The following CPM variants were observed in gnomAD, a reference collection of about 807,000 sequenced individuals.
The protein encoded by CPM is renal carboxypeptidase.
CPM carries 35 observed loss-of-function variants against 46.4 expected under a neutral mutation model. That is an observed-to-expected ratio of 0.75 (90% CI 0.58 to 1.00). The LOEUF (loss-of-function observed/expected upper bound fraction) is 1.00, where lower values mean the gene tolerates loss of function less well. CPM is among the 50% of genes least tolerant of loss of function. CPM has a pLI of 0.00. For synonymous variants in CPM, 195 were observed against 195.3 expected, an observed-to-expected ratio of 1.00 and a Z score of 0.01; for missense variants, 422 against 530.4, an observed-to-expected ratio of 0.80 and a Z score of 2.01.
At chr12:68,946,223 A>G (rs1888845086) in intron 1 of CPM, among the ~76,000 whole-genome samples, 1 of 152,000 alleles carries the variant, frequency 6.6e-6, no homozygotes, top group African/African-American at 2.4e-5. Flanking sequence ...TTCCCTCTCC[A>G]GTTTTCCCCC....
intron 1 of CPM, among the ~76,000 whole-genome samples, chr12:68,947,518 A>C (rs893659479): frequency 1.3e-5 from 2 of 151,686 alleles, no homozygotes; most frequent in African/African-American, 2.4e-5. Context: ...AATCACTTGA[A>C]CCTGGGAGGC....
chr12:68,881,679 T>C (rs527903500), intron 3 of CPM, among the ~76,000 whole-genome samples: 14 of 152,236 alleles, frequency 9.2e-5, no homozygotes, highest in African/African-American at 3.1e-4. Flanking sequence ...GTTTTGTTTA[T>C]ACTTTTTCTA....
chr12:68,919,909 C>T (rs1029634493), intron 2 of CPM, among the ~76,000 whole-genome samples: 2 of 152,162 alleles, frequency 1.3e-5, no homozygotes, highest in African/African-American at 4.8e-5. Context: ...GATATTTGTT[C>T]CCCCAAATTT....
intron 5 of CPM, chr12:68,845,629 C>T (rs999738415): frequency 2.8e-5 from 5 of 176,824 alleles, no homozygotes; most frequent in East Asian, 1.9e-4. Context: ...AAAAAAAATT[C>T]GATAGGCATT....
At chr12:68,873,449 G>A (rs902675520) in intron 3 of CPM, among the ~76,000 whole-genome samples, 6 of 152,118 alleles carry the variant, frequency 3.9e-5, no homozygotes, top group East Asian at 1.9e-4. Context: ...AGGCTAAGGC[G>A]GAGCCCAGGA....
chr12:68,961,091 G>A (rs1398456346), intron 1 of CPM, among the ~76,000 whole-genome samples: 1 of 152,142 alleles, frequency 6.6e-6, no homozygotes, highest in Non-Finnish European at 1.5e-5. Flanking sequence ...GAGGATTGAG[G>A]TACAAATATC....
At chr12:68,857,430 C>T (rs1885027030) in intron 8 of CPM, among the ~76,000 whole-genome samples, 1 of 152,126 alleles carries the variant, frequency 6.6e-6, no homozygotes, top group South Asian at 2.1e-4. Context: ...TCCCAAAGTG[C>T]TGAGATTACA....
chr12:68,904,071 G>A (rs1455849542), intron 2 of CPM, among the ~76,000 whole-genome samples: 4 of 151,988 alleles, frequency 2.6e-5, no homozygotes, highest in African/African-American at 9.7e-5. Context: ...TAGAGATGGG[G>A]GTCTCACTTT....
intron 2 of CPM, among the ~76,000 whole-genome samples, chr12:68,925,475 A>G (rs1888220597): frequency 6.6e-6 from 1 of 152,236 alleles, no homozygotes; most frequent in African/African-American, 2.4e-5. Context: ...AGCATTGATC[A>G]TAACAGCGAA....
chr12:68,866,519 T>C (rs565322185), intron 7 of CPM, among the ~76,000 whole-genome samples: 1 of 152,236 alleles, frequency 6.6e-6, no homozygotes, highest in South Asian at 2.1e-4. Flanking sequence ...AATTTTTGTA[T>C]TTTCAGTAGA....
chr12:68,943,875 T>G lies in CPM; in HGVS notation c.-3-11035A>C, dbSNP rs550123177. ...GAGAAAACCATTTCTGGATTTTTTT[T>G]TTTTTAAAAACTGTATATTTGAGAA... On this transcript the variant is annotated intron_variant, in intron 1 of 8. Transcript: ENST00000546373. Among the ~76,000 whole-genome samples, 211 of 152,318 alleles carry G rather than the reference T, an allele frequency of 1.4e-3. 1 individual carries two copies. The highest frequency in any genetic ancestry group is 2.4e-3 in the Admixed American group (36 of 15,306).
chr12:68,926,264 A>G (rs1430017836), intron 2 of CPM, among the ~76,000 whole-genome samples: 1 of 152,192 alleles, frequency 6.6e-6, no homozygotes, highest in East Asian at 1.9e-4. Flanking sequence ...TATCTAAAAT[A>G]TTATCATTTC....
chr12:68,960,588 C>T (rs932194563), intron 1 of CPM, among the ~76,000 whole-genome samples: 1 of 152,186 alleles, frequency 6.6e-6, no homozygotes, highest in African/African-American at 2.4e-5. Flanking sequence ...CCTAGAACAT[C>T]ATATTTTGAG....
chr12:68,849,931 G>A (rs758150375), downstream of CPM: 1 of 152,174 alleles, frequency 6.6e-6, no homozygotes, highest in Non-Finnish European at 1.5e-5. Flanking sequence ...ACAGCGCTGA[G>A]AGACCACTCC....
chr12:68,918,746 C>A (rs530708063), intron 2 of CPM, among the ~76,000 whole-genome samples: 66 of 152,284 alleles, frequency 4.3e-4, no homozygotes, highest in African/African-American at 1.6e-3. Flanking sequence ...CATCTTAATC[C>A]AAATCACCAT....
upstream of CPM, among the ~76,000 whole-genome samples, chr12:68,937,763 C>CT (rs1357072433): frequency 1.3e-5 from 2 of 152,214 alleles, no homozygotes; most frequent in African/African-American, 4.8e-5. Flanking sequence ...TTTTAATTTT[C>CT]TTTTTTACAT....
chr12:68,910,428 A>G (rs1429927894), intron 2 of CPM, among the ~76,000 whole-genome samples: 2 of 152,182 alleles, frequency 1.3e-5, no homozygotes, highest in Admixed American at 1.3e-4. Context: ...TTTACTTCAC[A>G]ATATATTCTG....
At chr12:68,949,781 G>A (rs934863329) in intron 1 of CPM, among the ~76,000 whole-genome samples, 1 of 152,176 alleles carries the variant, frequency 6.6e-6, no homozygotes, top group Non-Finnish European at 1.5e-5. Context: ...AATTGCAGGT[G>A]AGGCTGGCTT....
intron 2 of CPM, among the ~76,000 whole-genome samples, chr12:68,911,172 G>A (rs990652927): frequency 3.9e-5 from 6 of 152,100 alleles, no homozygotes; most frequent in Non-Finnish European, 7.3e-5. Flanking sequence ...AGAAAGACAC[G>A]GCTTCAATGT....
Sources: gnomAD v4.1 joint callset for allele counts (sites outside exome capture counted in the v4.1 genomes callset) on GRCh38, gnomAD v4.1.1 for gene constraint, MANE v1.5 for transcripts, NCBI Gene and HGNC (gene_info 2026-07-23, HGNC 2026-07-21) for gene names.